The following L3MBTL4 variants were observed in gnomAD, a reference collection of about 807,000 sequenced individuals.
The protein encoded by L3MBTL4 is L3MBTL histone methyl-lysine binding protein 4.
A neutral mutation model predicts 84.5 loss-of-function variants in L3MBTL4; 70 were observed. The ratio of observed to expected loss-of-function variants is 0.83; its 90% CI spans 0.68 to 1.01. The LOEUF is 1.01. Ranked by LOEUF, L3MBTL4 falls within the 50% of genes least tolerant of loss-of-function variation. The pLI is 0.00. For missense variants in L3MBTL4, 715 were observed against 754.8 expected, an observed-to-expected ratio of 0.95 and a Z score of 0.62; for synonymous variants, 274 against 259.8, an observed-to-expected ratio of 1.05 and a Z score of -0.52.
chr18:6,289,909 T>C (rs1490091308), intron 4 of L3MBTL4, among the ~76,000 whole-genome samples: 1 of 152,144 alleles, frequency 6.6e-6, no homozygotes, highest in Non-Finnish European at 1.5e-5. Context: ...CAGGTTATCT[T>C]TTTGTTTCTT....
intron 16 of L3MBTL4, 117 bp downstream of exon 16, chr18:6,080,764 T>C (rs2058048894): frequency 2.9e-6 from 2 of 700,090 alleles, no homozygotes; most frequent in Non-Finnish European, 4.7e-6. Flanking sequence ...TTTTGACTTC[T>C]AGTTAGGCTC....
chr18:6,035,024 A>G (rs540227497), intron 16 of L3MBTL4, among the ~76,000 whole-genome samples: 4 of 151,498 alleles, frequency 2.6e-5, no homozygotes, highest in South Asian at 4.2e-4. Context: ...ATTTGTTTGA[A>G]TTCATTGTAG....
chr18:6,118,257 T>G (rs1177621659), intron 14 of L3MBTL4, among the ~76,000 whole-genome samples: 1 of 121,874 alleles, frequency 8.2e-6, no homozygotes, highest in Non-Finnish European at 1.8e-5. Flanking sequence ...AGCTACTCCC[T>G]CTTGCTGGAA....
intron 14 of L3MBTL4, among the ~76,000 whole-genome samples, chr18:6,126,295 T>G (rs931120882): frequency 2.0e-5 from 3 of 152,204 alleles, no homozygotes; most frequent in African/African-American, 7.2e-5. Context: ...TTTAAAATAA[T>G]GTATAATTGC....
intron 12 of L3MBTL4, among the ~76,000 whole-genome samples, chr18:6,186,356 T>C (rs548639708): frequency 7.2e-5 from 11 of 152,198 alleles, no homozygotes; most frequent in African/African-American, 2.6e-4. Context: ...AGGGCATTTT[T>C]AATAACTGTG....
chr18:6,259,629 A>G (rs535806059), intron 5 of L3MBTL4: 2 of 148,738 alleles, frequency 1.3e-5, no homozygotes, highest in Admixed American at 6.7e-5. Flanking sequence ...CCCATTTTTA[A>G]TGGGTTAATT....
At chr18:5,961,371 A>G (rs4798420) in intron 17 of L3MBTL4, among the ~76,000 whole-genome samples, 74,827 of 152,024 alleles carry the variant, frequency 0.49, 18,992 homozygotes, top group African/African-American at 0.61. Context: ...CCCTCAGGGC[A>G]TACCCTAGGG....
intron 14 of L3MBTL4, among the ~76,000 whole-genome samples, chr18:6,110,277 G>C (rs546055019): frequency 4.6e-5 from 7 of 152,266 alleles, no homozygotes; most frequent in African/African-American, 1.7e-4. Context: ...ACATTTATGA[G>C]AGTCAGTTTT....
intron 14 of L3MBTL4, among the ~76,000 whole-genome samples, chr18:6,116,506 G>A (rs552809138): frequency 9.2e-5 from 14 of 151,806 alleles, no homozygotes; most frequent in Non-Finnish European, 2.1e-4. Flanking sequence ...TAGGATTACC[G>A]GCATGCACCA....
At chr18:6,013,686 C>T (rs933288587) in intron 16 of L3MBTL4, among the ~76,000 whole-genome samples, 3 of 152,146 alleles carry the variant, frequency 2.0e-5, no homozygotes, top group Admixed American at 1.3e-4. Flanking sequence ...TCTTGCAATT[C>T]GAATTTTGCA....
chr18:6,323,040 A>G (rs1226198745), intron 1 of L3MBTL4, among the ~76,000 whole-genome samples: 2 of 152,062 alleles, frequency 1.3e-5, no homozygotes, highest in African/African-American at 4.8e-5. Flanking sequence ...CCCATTCTCT[A>G]TCTTCCTCCT....
intron 4 of L3MBTL4, among the ~76,000 whole-genome samples, chr18:6,292,402 T>A (rs1426083799): frequency 2.0e-5 from 3 of 152,242 alleles, no homozygotes; most frequent in Non-Finnish European, 2.9e-5. Flanking sequence ...CCTAATAGAA[T>A]AATGTTGGCT....
intron 12 of L3MBTL4, among the ~76,000 whole-genome samples, chr18:6,200,404 T>C (rs1358406382): frequency 2.6e-5 from 4 of 152,180 alleles, no homozygotes; most frequent in Admixed American, 2.6e-4. Context: ...CCAAGTGAAG[T>C]AGGCCACACT....
chr18:6,206,445 T>C (rs1347724968), intron 12 of L3MBTL4, among the ~76,000 whole-genome samples: 2 of 152,224 alleles, frequency 1.3e-5, no homozygotes, highest in African/African-American at 2.4e-5. Flanking sequence ...CAAATAATCA[T>C]GTCAGGATCT....
intron 16 of L3MBTL4, among the ~76,000 whole-genome samples, chr18:6,045,013 A>T (rs1885798234): frequency 6.6e-6 from 1 of 152,224 alleles, no homozygotes; most frequent in Non-Finnish European, 1.5e-5. Flanking sequence ...ATAGCTCATA[A>T]GCCTTGCATC....
chr18:5,960,045 CATAT>C (rs59194551), intron 18 of L3MBTL4, 45 bp downstream of exon 18: 17,484 of 336,198 alleles, frequency 0.052, 1,745 homozygotes, highest in East Asian at 0.26. Context: ...TATACACACA[CATAT>C]ATATATATAT....
chr18:6,030,805 C>G lies in L3MBTL4; in HGVS notation c.1444+50076G>C, dbSNP rs568660481. ...GTTTCATTGCATTAAAAACGTCTTA[C>G]GATAATGAAGTAAAACATTTTAAAA... On this transcript the variant is annotated intron_variant, in intron 16 of 18. Coordinates refer to ENST00000317931, the MANE Select transcript of L3MBTL4 (RefSeq NM_001330559.2). 3.0e-6 allele frequency: 3 copies of G among 984,982 alleles called. No homozygotes were observed. The African/African-American group carries it at 5.2e-5, about 17-fold the overall frequency. 61.0% of individuals were successfully genotyped at this position (984,982 alleles called of 1,614,324 possible).
chr18:5,986,869 A>G (rs978570585), intron 16 of L3MBTL4, among the ~76,000 whole-genome samples: 2 of 152,240 alleles, frequency 1.3e-5, no homozygotes, highest in African/African-American at 2.4e-5. Context: ...CTTCACAGTT[A>G]CTAACATAGG....
intron 14 of L3MBTL4, among the ~76,000 whole-genome samples, chr18:6,136,546 T>G (rs1325979640): frequency 6.6e-6 from 1 of 152,220 alleles, no homozygotes; most frequent in Non-Finnish European, 1.5e-5. Flanking sequence ...CAATCAGATG[T>G]TTGCATAGGA....
Sources: allele counts gnomAD v4.1 joint callset (sites outside exome capture counted in the v4.1 genomes callset), GRCh38; gene constraint gnomAD v4.1.1; transcripts MANE v1.5; gene names NCBI Gene and HGNC (gene_info 2026-07-23, HGNC 2026-07-21).